TAF4: variants seen among roughly 807,000 people sequenced by gnomAD.
The protein encoded by TAF4 is transcription initiation factor TFIID subunit 4.
In TAF4, 9 loss-of-function variants were observed where a neutral mutation model predicts 90.3. The observed-to-expected ratio is 0.10, with a 90% CI of 0.06 to 0.17. The LOEUF is 0.17. TAF4 is among the 10% of genes least tolerant of loss of function. The pLI, the probability that TAF4 is intolerant of heterozygous loss-of-function variation, is 1.00. For missense variants in TAF4, 1,351 were observed against 1,370.7 expected (o/e 0.99, Z 0.23); for synonymous variants, 818 against 638.9 (o/e 1.28, Z -4.23).
chr20:62,055,958 C>G (rs928595045), intron 1 of TAF4, among the ~76,000 whole-genome samples: 1 of 152,216 alleles, frequency 6.6e-6, no homozygotes, highest in Non-Finnish European at 1.5e-5. Flanking sequence ...TCATGCAGGC[C>G]AGGCGCAGTG....
At chr20:62,053,930 C>T (rs776751086) in intron 1 of TAF4, among the ~76,000 whole-genome samples, 30 of 152,258 alleles carry the variant, frequency 2.0e-4, no homozygotes, top group East Asian at 1.9e-4. Context: ...CAGGGACTGA[C>T]GGAGATGAGC....
chr20:62,065,448 C>T lies in TAF4; in HGVS notation c.363G>A (p.Pro121=), dbSNP rs1199630092. ...RRPLVPAGPA[P]PAAKLRPPPE... ...GCGGCGGCCTCAGCTTCGCGGCGGG[C>T]GGCGCGGGCCCTGCGGGGACAAGGG... Residue 121 remains proline (P), a synonymous_variant, in exon 1 of 15, where the codon CCG becomes CCA. Transcript: ENST00000252996. The T allele has an allele frequency of 8.2e-6, 8 of 974,626 alleles. No homozygotes were observed. The highest frequency in any genetic ancestry group is 9.7e-6 in the Non-Finnish European group (8 of 824,920). 60.4% of individuals were successfully genotyped at this position (974,626 alleles called of 1,614,324 possible). A position where few individuals can be genotyped will look rare whatever the true frequency, so the allele number is the denominator to read the frequency against.
rs1175292519 is a variant in TAF4, at chr20:62,065,856, G to T, written c.-46C>A. On this transcript the variant is annotated 5_prime_UTR_variant, in exon 1 of 15. Transcript: ENST00000252996. Reference sequence around the variant, plus strand: ...CGCCGCCGCCGCTCGGGCCGAGCGCGCCTGGGCGAGGAGGAGGTTCCGACT... The same window carrying T: ...CGCCGCCGCCGCTCGGGCCGAGCGCTCCTGGGCGAGGAGGAGGTTCCGACT... The T allele has an allele frequency of 1.3e-5, 16 of 1,209,578 alleles. No homozygotes were observed. Among genetic ancestry groups the T allele is most frequent in the Non-Finnish European group, 1.7e-5 (16 of 950,768 alleles). 74.9% of individuals were successfully genotyped at this position (1,209,578 alleles called of 1,614,324 possible).
At chr20:62,002,287 T>C (rs993263455) in intron 9 of TAF4, among the ~76,000 whole-genome samples, 5 of 152,208 alleles carry the variant, frequency 3.3e-5, no homozygotes, top group Admixed American at 3.3e-4. Context: ...CCAGGCCTGC[T>C]ATGCCCTGCC....
chr20:62,064,077 T>A (rs1037722266), intron 1 of TAF4, among the ~76,000 whole-genome samples: 3 of 152,172 alleles, frequency 2.0e-5, no homozygotes, highest in African/African-American at 7.2e-5. Context: ...GCAGACCCCA[T>A]CGCCTGGCCC....
rs753753584 is a variant in TAF4 at position 61,999,062 on chromosome 20, T to C, written c.2834A>G (p.Lys945Arg). 9 of 1,614,164 alleles carry C rather than the reference T, an allele frequency of 5.6e-6. No homozygotes were observed. The highest frequency in any genetic ancestry group is 5.9e-6 in the Non-Finnish European group (7 of 1,180,036). ...EQASDVRAQL[K>R]FFEQLDQIEK... ...GATTTGATCAAGCTGTTCAAAAAAC[T>C]TGAGCTGTGCCCGGACGTCACTCGC... is the stretch of plus-strand genomic sequence containing the variant. The change falls in exon 12 of 15, where the codon AAG becomes AGG. Residue 945 changes from lysine to arginine, a missense_variant. Coordinates refer to ENST00000252996, the MANE Select transcript of TAF4 (RefSeq NM_003185.4).
chr20:61,981,356 GA>G (rs2055540141), intron 14 of TAF4: 1 of 152,122 alleles, frequency 6.6e-6, no homozygotes, highest in African/African-American at 2.4e-5. Context: ...CTCAATACAG[GA>G]AAATCTGCTT....
At chr20:62,040,153 A>G (rs189584861) in intron 1 of TAF4, among the ~76,000 whole-genome samples, 87 of 152,384 alleles carry the variant, frequency 5.7e-4, no homozygotes, top group African/African-American at 1.9e-3. Flanking sequence ...ACTTATGTTC[A>G]TATAAAGATT....
chr20:62,000,016 C>A (rs986901025), intron 11 of TAF4, 108 bp downstream of exon 11: 3 of 1,407,846 alleles, frequency 2.1e-6, no homozygotes, highest in Non-Finnish European at 3.0e-6. Context: ...AACATGGAGG[C>A]ACTTGGGACC....
At chr20:62,042,750 T>C (rs917941588) in intron 1 of TAF4, among the ~76,000 whole-genome samples, 1 of 152,248 alleles carries the variant, frequency 6.6e-6, no homozygotes, top group Non-Finnish European at 1.5e-5. Context: ...CTACTTCCCA[T>C]CACTGTTTCA....
intron 1 of TAF4, among the ~76,000 whole-genome samples, chr20:62,041,096 C>T (rs912024887): frequency 6.6e-6 from 1 of 152,062 alleles, no homozygotes; most frequent in African/African-American, 2.4e-5. Flanking sequence ...GTTTCAGCGA[C>T]CTGAGCGCTC....
At chr20:62,003,570 T>C (rs143089783) in intron 8 of TAF4, among the ~76,000 whole-genome samples, 161 bp downstream of exon 8, 2 of 152,364 alleles carry the variant, frequency 1.3e-5, no homozygotes, top group East Asian at 1.9e-4. Context: ...TGGTGATGGT[T>C]ACACAACACA....
intron 1 of TAF4, among the ~76,000 whole-genome samples, chr20:62,052,516 C>A (rs1174455771): frequency 6.6e-6 from 1 of 151,996 alleles, no homozygotes; most frequent in Non-Finnish European, 1.5e-5. Context: ...GCTCCACACC[C>A]CAGCCCCAGC....
At chr20:62,017,125 A>G (rs796132746) in intron 1 of TAF4, among the ~76,000 whole-genome samples, 11 of 152,028 alleles carry the variant, frequency 7.2e-5, no homozygotes, top group African/African-American at 2.7e-4. Context: ...TGGACCACAG[A>G]GTGAGACCCC....
intron 1 of TAF4, among the ~76,000 whole-genome samples, chr20:62,035,669 T>C (rs933774682): frequency 2.6e-5 from 4 of 152,200 alleles, no homozygotes; most frequent in Non-Finnish European, 5.9e-5. Context: ...TAAAGATGAC[T>C]TGAAAAAGCT....
intron 11 of TAF4, among the ~76,000 whole-genome samples, chr20:61,999,808 G>T (rs1380944295): frequency 6.6e-6 from 1 of 152,150 alleles, no homozygotes; most frequent in Admixed American, 6.6e-5. Context: ...AATTAGTTGG[G>T]CACGGTGGTG....
At chr20:62,007,518 C>CT (rs772444041) in intron 6 of TAF4, 29 bp downstream of exon 6, 9 of 1,608,998 alleles carry the variant, frequency 5.6e-6, no homozygotes, top group African/African-American at 5.3e-5. Context: ...GGCCCTACTG[C>CT]TCGCAGGCAC....
At chr20:62,052,831 C>T (rs1197540426) in intron 1 of TAF4, among the ~76,000 whole-genome samples, 3 of 146,238 alleles carry the variant, frequency 2.1e-5, no homozygotes, top group African/African-American at 2.5e-5. Context: ...AGATCCCTCG[C>T]GCCATCCCCC....
chr20:62,065,599 G>A lies in TAF4; in HGVS notation c.212C>T (p.Ala71Val), dbSNP rs1292107931. 2.0e-6 allele frequency: 2 copies of A among 988,830 alleles called. No homozygotes were observed. The highest frequency in any genetic ancestry group is 4.6e-5 in the South Asian group (1 of 21,912). The allele number at this position is 988,830 out of a possible 1,614,324, so 61.3% of individuals were successfully genotyped here. The change falls in exon 1 of 15, where the codon GCG (alanine) becomes GTG (valine). Residue 71 changes from alanine (A) to valine (V), a missense_variant. This residue lies in a region of TAF4 where 782 missense variants were observed against 536.6 expected (regional missense o/e 1.46). Transcript: ENST00000252996. ...GGCGGGGGCGGCCGGCCCTGCGCCC[G>A]CGGCTCCGGCCGGGCTGCCGCTCAC... Reference protein sequence around the residue: ...HVVSGSPAGAAGAGPAAPAEG... With the variant: ...HVVSGSPAGAVGAGPAAPAEG...
Sources: gnomAD v4.1 joint callset for allele counts (sites outside exome capture counted in the v4.1 genomes callset) on GRCh38, gnomAD v4.1.1 for gene constraint, gnomAD v4.1.1 regional missense constraint, MANE v1.5 for transcripts, NCBI Gene and HGNC (gene_info 2026-07-23, HGNC 2026-07-21) for gene names.